The following SLC6A16 variants were observed in gnomAD, a reference collection of about 807,000 sequenced individuals.
SLC6A16 encodes the protein orphan sodium- and chloride-dependent neurotransmitter transporter NTT5.
A neutral mutation model predicts 65.4 loss-of-function variants in SLC6A16; 54 were observed. The observed-to-expected ratio is 0.83, with a 90% confidence interval of 0.66 to 1.04. SLC6A16 has a LOEUF of 1.04. Ranked by LOEUF, SLC6A16 falls within the 50% of genes least tolerant of loss-of-function variation. SLC6A16 has a pLI of 0.00. For synonymous variants in SLC6A16, 330 were observed against 346.5 expected (o/e 0.95, Z 0.53); for missense variants, 816 against 914.0 (o/e 0.89, Z 1.38).
chr19:49,317,529 A>T (rs1437537430), intron 1 of SLC6A16, among the ~76,000 whole-genome samples: 1 of 152,148 alleles, frequency 6.6e-6, no homozygotes, highest in Non-Finnish European at 1.5e-5. Flanking sequence ...CAAATAGGCC[A>T]GGCGCCGTGG....
chr19:49,308,900 A>G lies in SLC6A16; in HGVS notation c.1205T>C (p.Val402Ala), dbSNP rs770532413. 1 of 1,614,152 alleles carries G rather than the reference A, an allele frequency of 6.2e-7. No homozygotes were observed. Among genetic ancestry groups the G allele is most frequent in the Admixed American group, 1.7e-5 (1 of 60,014 alleles). The part of the protein sequence containing the change: ...NFCVLGFWAT[V>A]ITHRCCERNA... Reference sequence around the variant, plus strand: ...CCTCTCACAGCAGCGATGTGTGATGACTGTCGCCCAGAAGCCCAGGACACA... The same window carrying G: ...CCTCTCACAGCAGCGATGTGTGATGGCTGTCGCCCAGAAGCCCAGGACACA... The change falls in exon 7 of 12, where the codon GTC becomes GCC. Residue 402 changes from valine to alanine, a missense_variant. Coordinates refer to ENST00000335875, the MANE Select transcript of SLC6A16 (RefSeq NM_014037.3).
In SLC6A16 at chr19:49,290,245, T is replaced by C. The variant is rs1367952407; in HGVS notation, c.2089A>G (p.Met697Val). Reference sequence around the variant, plus strand: ...AGGGGTAGGGATGTGGAGGCTGTCATAGGCCCGTCTCCGCTCTTGGGCCTG... The same window carrying C: ...AGGGGTAGGGATGTGGAGGCTGTCACAGGCCCGTCTCCGCTCTTGGGCCTG... ...PFRPKSGDGPMTASTSLPLSH... is the reference protein window; with the variant it reads ...PFRPKSGDGPVTASTSLPLSH... Residue 697 changes from methionine to valine, a missense_variant, in exon 12 of 12, where the codon ATG becomes GTG. Transcript: ENST00000335875. The C allele has an allele frequency of 3.1e-6, 5 of 1,614,134 alleles. No homozygotes were observed. In the Admixed American group the frequency reaches 5.0e-5, roughly 16 times the overall value.
chr19:49,312,708 G>T, intron 1 of SLC6A16: 1 of 284,532 alleles, frequency 3.5e-6, no homozygotes, highest in Non-Finnish European at 5.3e-6. Context: ...AGCAGAGGCA[G>T]TAGATGGGCT....
At chr19:49,333,660 C>T in the SLC6A16 span, among the ~76,000 whole-genome samples, 1 of 152,126 alleles carries the variant, frequency 6.6e-6, no homozygotes, top group Non-Finnish European at 1.5e-5. Flanking sequence ...AGCAGGAGCC[C>T]AGAGCCTGCC....
intron 7 of SLC6A16, among the ~76,000 whole-genome samples, chr19:49,308,390 T>C (rs191196229): frequency 2.0e-5 from 3 of 152,154 alleles, no homozygotes; most frequent in Admixed American, 6.5e-5. Flanking sequence ...GAGGCAGAGC[T>C]TGCAGTGAGC....
chr19:49,325,994 T>C (rs1007574878), upstream of SLC6A16, among the ~76,000 whole-genome samples: 1 of 150,920 alleles, frequency 6.6e-6, no homozygotes, highest in African/African-American at 2.4e-5. Flanking sequence ...AAACCCCGTC[T>C]CTACTAAAAG....
intron 2 of SLC6A16, 133 bp from the exon 3 acceptor site, chr19:49,310,643 T>C: frequency 4.2e-6 from 4 of 963,794 alleles, no homozygotes; most frequent in Non-Finnish European, 6.2e-6. Context: ...CACCCATGTC[T>C]ACATCCCTCA....
chr19:49,300,887 A>G (rs1019197044), intron 7 of SLC6A16, among the ~76,000 whole-genome samples: 3 of 152,052 alleles, frequency 2.0e-5, no homozygotes, highest in African/African-American at 7.2e-5. Flanking sequence ...CCCCGTCTCT[A>G]CAAAAAATAC....
intron 7 of SLC6A16, among the ~76,000 whole-genome samples, chr19:49,298,708 T>C (rs959206959): frequency 2.0e-5 from 3 of 152,206 alleles, no homozygotes; most frequent in African/African-American, 7.2e-5. Context: ...ACAGGGTCTA[T>C]ATACCCAAAG....
At chr19:49,290,885 A>G in intron 10 of SLC6A16, 118 bp from the exon 11 acceptor site, 1 of 878,186 alleles carries the variant, frequency 1.1e-6, no homozygotes. Flanking sequence ...CTCCTGTTTC[A>G]TCTCAAGTCT....
intron 7 of SLC6A16, among the ~76,000 whole-genome samples, chr19:49,304,926 C>A (rs1256237498): frequency 1.3e-5 from 2 of 152,080 alleles, no homozygotes; most frequent in African/African-American, 4.8e-5. Context: ...CATATACATA[C>A]AATTATAAAT....
the SLC6A16 span, chr19:49,340,309 G>C: frequency 1.2e-6 from 2 of 1,613,490 alleles, no homozygotes; most frequent in Admixed American, 3.3e-5. Context: ...GTCTACAACC[G>C]GCTCGCTCGA....
In SLC6A16 at chr19:49,293,845, GT is replaced by G; in HGVS notation, c.1599del (p.Lys533AsnfsTer7). 1 of 1,613,986 alleles carries G rather than the reference GT, an allele frequency of 6.2e-7. No individual in the cohort carries two copies. The highest frequency in any genetic ancestry group is 1.3e-5 in the African/African-American group (1 of 75,018). ...PLQDTFSFFR[K>X]HTKLLIVGVF... ...AGAGTACCTATGAGCAGCTTTGTAT[GT>G]TTCCTGAAGAAAGAGAAGGTGTCCT... On this transcript the variant is annotated frameshift_variant, in exon 9 of 12. Coordinates refer to ENST00000335875, the MANE Select transcript of SLC6A16 (RefSeq NM_014037.3). LOFTEE classifies it high-confidence loss of function.
rs1165685108 is a variant in SLC6A16, at chr19:49,290,145, G to A, written c.2189C>T (p.Ser730Leu). The A allele has an allele frequency of 1.4e-5, 22 of 1,613,962 alleles. No homozygotes were observed. The highest frequency in any genetic ancestry group is 1.7e-5 in the Non-Finnish European group (20 of 1,179,976). ...AAGTTAGGAAGTCACATTACAAGTT[G>A]ATGGGTACTTTGTTTCATCAACTTG... ...ILQVDETKYPSTCNVTS is the reference protein window; with the variant it reads ...ILQVDETKYPLTCNVTS Residue 730 changes from serine (S) to leucine (L), a missense_variant, in exon 12 of 12, where the codon TCA becomes TTA. Transcript: ENST00000335875.
chr19:49,314,013 G>A (rs547416296), intron 1 of SLC6A16, among the ~76,000 whole-genome samples: 14 of 151,870 alleles, frequency 9.2e-5, no homozygotes, highest in South Asian at 4.2e-4. Flanking sequence ...GGAGAATGGC[G>A]TGAACCTGGG....
chr19:49,312,956 G>T (rs778478722), intron 1 of SLC6A16, among the ~76,000 whole-genome samples: 1 of 151,622 alleles, frequency 6.6e-6, no homozygotes, highest in Non-Finnish European at 1.5e-5. Context: ...AGTGGCTCAC[G>T]CCTGTAATCT....
At position 49,310,442 on chromosome 19, in the gene SLC6A16, C is replaced by A; in HGVS notation, c.484G>T (p.Ala162Ser). 6.2e-7 allele frequency: 1 copy of A among 1,614,118 alleles called. No homozygotes were observed. Among genetic ancestry groups the A allele is most frequent in the Non-Finnish European group, 8.5e-7 (1 of 1,180,024 alleles). ...VGVPLLFLEM[A>S]AGQSMRQGGM... ...CCCTGACGCATGCTCTGACCAGCTG[C>A]CATCTCCAGGAAGAGAAGAGGAACC... The change falls in exon 3 of 12, where the codon GCA becomes TCA. Residue 162 changes from alanine to serine, a missense_variant. Coordinates refer to ENST00000335875, the MANE Select transcript of SLC6A16 (RefSeq NM_014037.3).
At chr19:49,340,011 G>A in the SLC6A16 span, 1 of 1,461,022 alleles carries the variant, frequency 6.8e-7, no homozygotes, top group East Asian at 2.5e-5. Flanking sequence ...AGGACCCTGG[G>A]CTTGCTTCCG....
chr19:49,339,452 TCC>T, the SLC6A16 span: 1 of 1,587,230 alleles, frequency 6.3e-7, no homozygotes, highest in Non-Finnish European at 8.6e-7. The surrounding 1 kb of genome is among the most constrained non-coding windows in gnomAD (Gnocchi z 4.5). Flanking sequence ...CGGCCCTAAA[TCC>T]CTAGATGGCC....
Sources: allele counts gnomAD v4.1 joint callset (sites outside exome capture counted in the v4.1 genomes callset), GRCh38; gene constraint gnomAD v4.1.1; non-coding constraint Gnocchi (gnomAD v3.1); transcripts MANE v1.5; gene names NCBI Gene and HGNC (gene_info 2026-07-23, HGNC 2026-07-21).